Variants in KCNN2 observed in about 807,000 individuals in gnomAD.
KCNN2 encodes small conductance calcium-activated potassium channel protein 2.
In KCNN2, 24 loss-of-function variants were observed where a neutral mutation model predicts 55.5. That is an observed-to-expected ratio of 0.43 (90% CI 0.31 to 0.61). The LOEUF (loss-of-function observed/expected upper bound fraction) is 0.61. Ranked by LOEUF, KCNN2 falls within the 20% of genes least tolerant of loss-of-function variation. The pLI is 0.08. For missense variants in KCNN2, 754 were observed against 853.6 expected (o/e 0.88, Z 1.45); for synonymous variants, 431 against 336.1 (o/e 1.28, Z -3.09).
chr5:114,168,614 A>G (rs948248431), intron 1 of KCNN2, among the ~76,000 whole-genome samples: 1 of 151,998 alleles, frequency 6.6e-6, no homozygotes, highest in Admixed American at 6.6e-5. Flanking sequence ...ATTTTATTAT[A>G]TGGTCAGGAT....
Position 114,457,915 on chromosome 5 carries a change from G to C in KCNN2, c.1638-5134G>C, listed in dbSNP as rs140263882. ...GATAACCAATGTCTTGATAACCATT[G>C]TATCAAATATTTTATCTGCTTTTTT... On this transcript the variant is annotated intron_variant, in intron 3 of 7. Coordinates refer to ENST00000673685, the MANE Select transcript of KCNN2 (RefSeq NM_021614.4). 1.7e-3 allele frequency among the ~76,000 whole-genome samples: 256 copies of C among 152,296 alleles called. 2 individuals are homozygous for C. Among genetic ancestry groups the C allele is most frequent in the Non-Finnish European group, 2.7e-3 (181 of 68,016 alleles).
chr5:114,202,799 G>A (rs1580614975), intron 1 of KCNN2, among the ~76,000 whole-genome samples: 2 of 151,996 alleles, frequency 1.3e-5, no homozygotes, highest in African/African-American at 2.4e-5. Flanking sequence ...TGTTAGCCAG[G>A]ATGGTCTCGG....
chr5:114,267,328 G>A (rs904607948), intron 2 of KCNN2, among the ~76,000 whole-genome samples: 3 of 152,090 alleles, frequency 2.0e-5, no homozygotes, highest in African/African-American at 7.2e-5. Context: ...TCCTAGGCAG[G>A]CTTTTTCGTG....
At chr5:114,237,401 G>A (rs144118034) in intron 2 of KCNN2, among the ~76,000 whole-genome samples, 94 of 152,114 alleles carry the variant, frequency 6.2e-4, no homozygotes, top group African/African-American at 2.2e-3. Flanking sequence ...AGAACTTCCA[G>A]AAATTGAGGG....
At chr5:114,385,966 C>T (rs944036785) in intron 2 of KCNN2, among the ~76,000 whole-genome samples, 2 of 151,184 alleles carry the variant, frequency 1.3e-5, no homozygotes, top group Non-Finnish European at 2.9e-5. Flanking sequence ...ATCGTGAGGT[C>T]AGGAAATCGA....
At chr5:114,394,646 T>G (rs1033187189) in intron 2 of KCNN2, among the ~76,000 whole-genome samples, 1 of 152,240 alleles carries the variant, frequency 6.6e-6, no homozygotes, top group Non-Finnish European at 1.5e-5. Context: ...CATCTATGTC[T>G]TTCAAACACT....
At chr5:114,141,885 T>A (rs1034661246) in intron 1 of KCNN2, among the ~76,000 whole-genome samples, 1 of 152,262 alleles carries the variant, frequency 6.6e-6, no homozygotes, top group Non-Finnish European at 1.5e-5. Flanking sequence ...TGGCCAGTGA[T>A]GATGAGCGTT....
intron 2 of KCNN2, among the ~76,000 whole-genome samples, chr5:114,268,693 A>G (rs1235373377): frequency 6.6e-6 from 1 of 152,182 alleles, no homozygotes; most frequent in African/African-American, 2.4e-5. Context: ...TCTCCGGGTC[A>G]TTTCTCTGCC....
At chr5:114,206,411 C>T (rs1753777118) in intron 1 of KCNN2, among the ~76,000 whole-genome samples, 1 of 152,166 alleles carries the variant, frequency 6.6e-6, no homozygotes. Context: ...CCAGCAGAAG[C>T]TCCTGAATCC....
intron 2 of KCNN2, among the ~76,000 whole-genome samples, chr5:114,259,772 C>T (rs969559968): frequency 6.6e-6 from 1 of 152,156 alleles, no homozygotes; most frequent in African/African-American, 2.4e-5. Flanking sequence ...GATTTCTAGC[C>T]CGTCTCTACC....
At chr5:114,326,285 A>G (rs976441670) in intron 2 of KCNN2, among the ~76,000 whole-genome samples, 9 of 152,302 alleles carry the variant, frequency 5.9e-5, no homozygotes, top group African/African-American at 1.7e-4. Flanking sequence ...CCACGGGGAT[A>G]GGGAACATTC....
intron 3 of KCNN2, among the ~76,000 whole-genome samples, chr5:114,421,121 T>C (rs1759459214): frequency 6.6e-6 from 1 of 152,108 alleles, no homozygotes; most frequent in South Asian, 2.1e-4. Context: ...TAGCCTTGGA[T>C]ATTCTTGATT....
At chr5:114,444,450 A>G (rs900132799) in intron 3 of KCNN2, among the ~76,000 whole-genome samples, 1 of 152,104 alleles carries the variant, frequency 6.6e-6, no homozygotes, top group African/African-American at 2.4e-5. Flanking sequence ...TATATGCCCC[A>G]TGAATTGAAA....
intron 1 of KCNN2, among the ~76,000 whole-genome samples, chr5:114,202,585 A>ATATTTT (rs1430105677): frequency 1.4e-4 from 13 of 92,134 alleles, no homozygotes; most frequent in South Asian, 4.0e-4. Context: ...ATATATATAT[A>ATATTTT]TTTTTTTTTT....
chr5:114,281,746 C>G (rs957293851), intron 2 of KCNN2, among the ~76,000 whole-genome samples: 5 of 126,916 alleles, frequency 3.9e-5, no homozygotes, highest in Non-Finnish European at 8.8e-5. Flanking sequence ...ATACTATGAC[C>G]TGAAGCAGGT....
intron 2 of KCNN2, among the ~76,000 whole-genome samples, chr5:114,399,702 T>C (rs1265453777): frequency 6.6e-6 from 1 of 152,162 alleles, no homozygotes; most frequent in African/African-American, 2.4e-5. Context: ...TTAATATATC[T>C]GATAGAATTC....
chr5:114,193,110 A>G (rs1753482961), intron 1 of KCNN2, among the ~76,000 whole-genome samples: 2 of 152,108 alleles, frequency 1.3e-5, no homozygotes, highest in East Asian at 1.9e-4. Context: ...CTGAAATTCA[A>G]ATTTAGCTGC....
At chr5:114,370,970 T>TAGAG (rs34194104) in intron 2 of KCNN2, among the ~76,000 whole-genome samples, 79,720 of 151,546 alleles carry the variant, frequency 0.53, 21,651 homozygotes, top group East Asian at 0.85. Context: ...AGCTGATTCA[T>TAGAG]AGAGATGATG....
intron 1 of KCNN2, among the ~76,000 whole-genome samples, chr5:114,078,159 A>G (rs566689472): frequency 2.6e-5 from 4 of 152,176 alleles, no homozygotes; most frequent in Non-Finnish European, 4.4e-5. Context: ...TGGGTATTAA[A>G]ATGATTAAAA....
Sources: allele counts gnomAD v4.1 joint callset (sites outside exome capture counted in the v4.1 genomes callset), GRCh38; gene constraint gnomAD v4.1.1; transcripts MANE v1.5; gene names NCBI Gene and HGNC (gene_info 2026-07-23, HGNC 2026-07-21).